PTPRR: variants seen among roughly 807,000 people sequenced by gnomAD.
The protein encoded by PTPRR is protein tyrosine phosphatase receptor type R, also known as receptor-type tyrosine-protein phosphatase R.
Under a neutral mutation model 77.2 loss-of-function variants are expected in PTPRR, and 38 were observed. That is an observed-to-expected ratio of 0.49 (90% confidence interval 0.38 to 0.65). The LOEUF (loss-of-function observed/expected upper bound fraction) is 0.65, where lower values mean the gene tolerates loss of function less well. Ranked by LOEUF, PTPRR falls within the 30% of genes least tolerant of loss-of-function variation. PTPRR has a pLI of 0.00. For synonymous variants in PTPRR, 299 were observed against 283.1 expected (o/e 1.06, Z -0.57); for missense variants, 744 against 799.2 (o/e 0.93, Z 0.83).
intron 8 of PTPRR, among the ~76,000 whole-genome samples, chr12:70,693,290 T>C (rs1368541090): frequency 8.5e-5 from 13 of 152,208 alleles, no homozygotes; most frequent in Non-Finnish European, 1.8e-4. Context: ...AAATCCTTTT[T>C]ATTAAAAATT....
In PTPRR at chr12:70,873,696, T is replaced by A. The variant is rs186668502; in HGVS notation, c.357+18983A>T. Among the ~76,000 whole-genome samples, 19 of 152,238 alleles carry A rather than the reference T, an allele frequency of 1.2e-4. No individual in the cohort carries two copies. The East Asian group carries it at 3.7e-3, about 29-fold the overall frequency. The stretch of plus-strand genomic sequence containing the variant: ...GTGTTACTTTTCCTTCTGTGTGATA[T>A]CTTTATTATCTTTTCCTGAAGTCAT... On this transcript the variant is annotated intron_variant, in intron 2 of 13. Transcript: ENST00000283228.
At chr12:70,686,900 G>C (rs1488226857) in intron 8 of PTPRR, among the ~76,000 whole-genome samples, 1 of 152,114 alleles carries the variant, frequency 6.6e-6, no homozygotes, top group Non-Finnish European at 1.5e-5. Flanking sequence ...ATTGTTTTAA[G>C]CCACTAAATT....
intron 7 of PTPRR, among the ~76,000 whole-genome samples, chr12:70,700,150 A>T (rs1482631474): frequency 6.6e-6 from 1 of 152,194 alleles, no homozygotes; most frequent in Non-Finnish European, 1.5e-5. Flanking sequence ...TTGGACACTT[A>T]ATAATAGTTG....
intron 1 of PTPRR, among the ~76,000 whole-genome samples, chr12:70,898,997 A>C (rs1175998177): frequency 1.3e-5 from 2 of 151,526 alleles, no homozygotes; most frequent in African/African-American, 4.8e-5. Flanking sequence ...AATCCTTAAA[A>C]CCACAAACTA....
chr12:70,648,214 C>T (rs184186541), intron 13 of PTPRR, among the ~76,000 whole-genome samples: 1 of 152,198 alleles, frequency 6.6e-6, no homozygotes, highest in East Asian at 1.9e-4. Context: ...AAACTTTGGG[C>T]AATATATTCC....
intron 2 of PTPRR, among the ~76,000 whole-genome samples, chr12:70,854,382 G>A (rs1321246610): frequency 6.6e-6 from 1 of 152,124 alleles, no homozygotes; most frequent in East Asian, 1.9e-4. Flanking sequence ...GCATTCAGTC[G>A]ACTTCATGAG....
intron 2 of PTPRR, among the ~76,000 whole-genome samples, chr12:70,824,113 A>G (rs1892069399): frequency 1.3e-5 from 2 of 152,194 alleles, no homozygotes; most frequent in South Asian, 4.1e-4. Context: ...CTTATTGGGA[A>G]ACCGCCCCAG....
At chr12:70,750,457 G>A (rs1890355371) in intron 5 of PTPRR, among the ~76,000 whole-genome samples, 2 of 152,072 alleles carry the variant, frequency 1.3e-5, no homozygotes, top group East Asian at 1.9e-4. Context: ...TCAGAATCAC[G>A]AAAGTGATAG....
chr12:70,883,432 GT>G (rs1007386911), intron 2 of PTPRR, among the ~76,000 whole-genome samples: 3 of 152,134 alleles, frequency 2.0e-5, no homozygotes, highest in Admixed American at 2.0e-4. Flanking sequence ...TTACCTAAGT[GT>G]GCATAATATC....
intron 2 of PTPRR, among the ~76,000 whole-genome samples, chr12:70,873,785 T>G (rs1592807189): frequency 6.8e-6 from 1 of 146,886 alleles, no homozygotes; most frequent in Non-Finnish European, 1.5e-5. Context: ...TGGTGGGGGG[T>G]GGGTAAGAGA....
intron 1 of PTPRR, 141 bp downstream of exon 1, chr12:70,920,191 CA>C: frequency 1.2e-6 from 1 of 821,280 alleles, no homozygotes; most frequent in Non-Finnish European, 1.9e-6. Flanking sequence ...ACGACTCCCT[CA>C]CCCCTTCCCT....
At chr12:70,822,958 C>T (rs1383064082) in intron 2 of PTPRR, among the ~76,000 whole-genome samples, 2 of 151,872 alleles carry the variant, frequency 1.3e-5, no homozygotes, top group African/African-American at 4.8e-5. Context: ...ACCCTTTCCT[C>T]TAAAGCCCAA....
chr12:70,639,864 A>G (rs1885933598), intron 13 of PTPRR, among the ~76,000 whole-genome samples: 4 of 152,248 alleles, frequency 2.6e-5, no homozygotes, highest in Admixed American at 2.0e-4. Flanking sequence ...GCTTTCTACA[A>G]GTAAAATGAA....
intron 2 of PTPRR, among the ~76,000 whole-genome samples, chr12:70,792,248 A>T (rs779493342): frequency 4.6e-5 from 7 of 152,216 alleles, no homozygotes; most frequent in Non-Finnish European, 1.0e-4. Flanking sequence ...TATGTACTCA[A>T]TAAATGTTAC....
intron 10 of PTPRR, among the ~76,000 whole-genome samples, chr12:70,667,460 T>A (rs1887053179): frequency 6.6e-6 from 1 of 152,174 alleles, no homozygotes; most frequent in South Asian, 2.1e-4. Context: ...TTGGTCAGCA[T>A]ACCCATCAAC....
intron 2 of PTPRR, among the ~76,000 whole-genome samples, chr12:70,872,994 G>A (rs1229473052): frequency 2.0e-5 from 3 of 152,098 alleles, no homozygotes; most frequent in Non-Finnish European, 4.4e-5. Flanking sequence ...ATCCTTGTGA[G>A]GGAAACAGAA....
rs114419433 is a variant in PTPRR, at chr12:70,859,218, G to C, written c.357+33461C>G. 7.3e-4 allele frequency among the ~76,000 whole-genome samples: 111 copies of C among 152,100 alleles called. 1 individual carries two copies. Among genetic ancestry groups the C allele is most frequent in the African/African-American group, 2.6e-3 (107 of 41,512 alleles). ...AGAAGAGAATAAGATATAGAATCAC[G>C]TATGCCAATGTTTGTCAACTCTAGC... On this transcript the variant is annotated intron_variant, in intron 2 of 13. Coordinates refer to ENST00000283228, the MANE Select transcript of PTPRR (RefSeq NM_002849.4).
intron 2 of PTPRR, among the ~76,000 whole-genome samples, chr12:70,774,488 T>C (rs988874269): frequency 6.6e-6 from 1 of 152,250 alleles, no homozygotes; most frequent in Non-Finnish European, 1.5e-5. Context: ...ACAAAAGCTG[T>C]ACATTTGAAA....
chr12:70,658,607 A>G (rs1026909076), intron 12 of PTPRR, among the ~76,000 whole-genome samples: 5 of 152,224 alleles, frequency 3.3e-5, no homozygotes, highest in African/African-American at 1.2e-4. Context: ...ATTTGCAACA[A>G]TAAGTAGAAC....
Sources: gnomAD v4.1 joint callset for allele counts (sites outside exome capture counted in the v4.1 genomes callset) on GRCh38, gnomAD v4.1.1 for gene constraint, MANE v1.5 for transcripts, NCBI Gene and HGNC (gene_info 2026-07-23, HGNC 2026-07-21) for gene names.